CAMTA1: variants seen among roughly 807,000 people sequenced by gnomAD.
The protein encoded by CAMTA1 is calmodulin-binding transcription activator 1.
A neutral mutation model predicts 170.9 loss-of-function variants in CAMTA1; 27 were observed. The ratio of observed to expected loss-of-function variants is 0.16; its 90% CI spans 0.12 to 0.22. The LOEUF is 0.22. Ranked by LOEUF, CAMTA1 falls within the 10% of genes least tolerant of loss-of-function variation. The pLI is 1.00. For synonymous variants in CAMTA1, 833 were observed against 891.5 expected (o/e 0.93, Z 1.17); for missense variants, 1,619 against 2,217.2 (o/e 0.73, Z 5.42).
At chr1:7,425,966 G>A (rs1204697784) in intron 5 of CAMTA1, among the ~76,000 whole-genome samples, 2 of 152,176 alleles carry the variant, frequency 1.3e-5, no homozygotes, top group Admixed American at 6.5e-5. Context: ...CCTGCCCTGT[G>A]CCAGGCATGG....
At chr1:7,544,460 C>T (rs113988924) in intron 6 of CAMTA1, among the ~76,000 whole-genome samples, 1,663 of 152,322 alleles carry the variant, frequency 0.011, 22 homozygotes, top group Non-Finnish European at 0.013. Flanking sequence ...GTCAGGCCAT[C>T]TCTAACCATT....
At chr1:7,640,110 C>A (rs2095749112) in intron 6 of CAMTA1, among the ~76,000 whole-genome samples, 1 of 152,124 alleles carries the variant, frequency 6.6e-6, no homozygotes, top group Admixed American at 6.5e-5. Context: ...GTGATCTTGC[C>A]CCCTAGGGGA....
chr1:7,751,132 C>T, intron 19 of CAMTA1, 67 bp from the exon 20 acceptor site: 1 of 1,272,766 alleles, frequency 7.9e-7, no homozygotes, highest in Non-Finnish European at 1.1e-6. Context: ...TCCCGGTAAG[C>T]TCGAAGGACG....
chr1:7,411,864 C>T (rs536948719), intron 5 of CAMTA1, among the ~76,000 whole-genome samples: 1 of 151,278 alleles, frequency 6.6e-6, no homozygotes, highest in Non-Finnish European at 1.5e-5. Context: ...ACCATTAACT[C>T]GTCATTTAGC....
intron 3 of CAMTA1, among the ~76,000 whole-genome samples, chr1:6,916,408 C>T (rs1680809397): frequency 6.6e-6 from 1 of 152,092 alleles, no homozygotes; most frequent in African/African-American, 2.4e-5. Flanking sequence ...CTCTGAATGA[C>T]AACTGCTTTC....
Position 7,665,283 on chromosome 1 carries a change from G to C in CAMTA1, c.2652+84G>C. On this transcript the variant is annotated intron_variant, in intron 9 of 22. Coordinates refer to ENST00000303635, the MANE Select transcript of CAMTA1 (RefSeq NM_015215.4). This position sits in a 1 kb window ranked among gnomAD's most constrained non-coding sequence, Gnocchi z 4.3. ...CTGCGCCACCCTGCAGCTAAGGGAT[G>C]CCTGTGGCTGCCCTTCAGAGGAAGC... 2 of 1,135,050 alleles carry C rather than the reference G, an allele frequency of 1.8e-6. No individual in the cohort carries two copies. The highest frequency in any genetic ancestry group is 2.3e-6 in the Non-Finnish European group (2 of 852,752). 70.3% of individuals were successfully genotyped at this position (1,135,050 alleles called of 1,614,324 possible).
chr1:7,241,055 CA>C (rs896217501), intron 4 of CAMTA1, among the ~76,000 whole-genome samples: 3 of 151,746 alleles, frequency 2.0e-5, no homozygotes, highest in Non-Finnish European at 4.4e-5. Context: ...AAAGAATCTA[CA>C]AAAAAAATTT....
chr1:7,394,967 C>G (rs1179768571), intron 5 of CAMTA1, among the ~76,000 whole-genome samples: 2 of 151,828 alleles, frequency 1.3e-5, no homozygotes, highest in Non-Finnish European at 2.9e-5. Flanking sequence ...ACTGCAACCT[C>G]TGCCTCCTGG....
At chr1:7,502,376 G>T (rs1725261) in intron 6 of CAMTA1, among the ~76,000 whole-genome samples, 131,071 of 152,252 alleles carry the variant, frequency 0.86, 56,779 homozygotes, top group Middle Eastern at 0.94. Context: ...TAGGCAGGAT[G>T]TAGTACACGA....
intron 5 of CAMTA1, among the ~76,000 whole-genome samples, chr1:7,384,984 T>A (rs918893009): frequency 2.6e-5 from 4 of 152,052 alleles, no homozygotes; most frequent in African/African-American, 9.7e-5. Context: ...GCTCCCAGGA[T>A]AGGACATCTC....
intron 5 of CAMTA1, among the ~76,000 whole-genome samples, chr1:7,465,862 C>T (rs2093198515): frequency 1.3e-5 from 2 of 152,166 alleles, no homozygotes; most frequent in African/African-American, 2.4e-5. Flanking sequence ...TGAAAACCAA[C>T]CACGGTCTTT....
intron 3 of CAMTA1, among the ~76,000 whole-genome samples, chr1:6,885,426 A>G (rs1211819583): frequency 6.6e-6 from 1 of 152,248 alleles, no homozygotes; most frequent in Non-Finnish European, 1.5e-5. Flanking sequence ...TACCTGAGTC[A>G]TTAGAATGCT....
At chr1:7,265,167 G>A (rs528948742) in intron 5 of CAMTA1, among the ~76,000 whole-genome samples, 57 of 152,194 alleles carry the variant, frequency 3.7e-4, no homozygotes, top group African/African-American at 1.3e-3. Flanking sequence ...CTGTTCCTGC[G>A]CTGTCCCAGC....
At position 7,592,751 on chromosome 1, in the gene CAMTA1, C is replaced by G. The variant is rs187152519; in HGVS notation, c.511-47649C>G. ...GGAGTCAACCAGCATCTCCTGCATC[C>G]TCTACCTTGGAAAATGAGGATTCTC... is the stretch of plus-strand genomic sequence containing the variant. On this transcript the variant is annotated intron_variant, in intron 6 of 22. Coordinates refer to ENST00000303635, the MANE Select transcript of CAMTA1 (RefSeq NM_015215.4). This position sits in a 1 kb window ranked among gnomAD's most constrained non-coding sequence, Gnocchi z 4.6. 2.2e-4 allele frequency among the ~76,000 whole-genome samples: 34 copies of G among 152,286 alleles called. No individual in the cohort carries two copies. Among genetic ancestry groups the G allele is most frequent in the African/African-American group, 7.9e-4 (33 of 41,560 alleles).
intron 3 of CAMTA1, 65 bp downstream of exon 3, chr1:6,825,275 A>G (rs1570515835): frequency 5.3e-6 from 4 of 754,112 alleles, no homozygotes; most frequent in Non-Finnish European, 9.1e-6. Context: ...GTTGCTTCAC[A>G]TAGTCCTACT....
At chr1:7,499,111 G>A (rs908447239) in intron 6 of CAMTA1, among the ~76,000 whole-genome samples, 3 of 138,448 alleles carry the variant, frequency 2.2e-5, no homozygotes, top group African/African-American at 7.8e-5. Flanking sequence ...GAGTGAGTGT[G>A]TAGAGAGGAT....
rs1393510530 is a variant in CAMTA1 at position 7,562,712 on chromosome 1, G to A, written c.511-77688G>A. ...CCCGCAGCTGGCACGGAGATGCTGG[G>A]AGAAGGGTCTGATATTTCCCGCATC... On this transcript the variant is annotated intron_variant, in intron 6 of 22. Transcript: ENST00000303635. This position sits in a 1 kb window ranked among gnomAD's most constrained non-coding sequence, Gnocchi z 4.8. Among the ~76,000 whole-genome samples the A allele has an allele frequency of 6.6e-6, 1 of 152,228 alleles. No individual in the cohort carries two copies. Among genetic ancestry groups the A allele is most frequent in the Non-Finnish European group, 1.5e-5 (1 of 68,040 alleles).
intron 5 of CAMTA1, among the ~76,000 whole-genome samples, chr1:7,359,379 T>G (rs1158191417): frequency 1.3e-5 from 2 of 152,160 alleles, no homozygotes; most frequent in African/African-American, 4.8e-5. Context: ...CAAACTGTGC[T>G]CTGGTGAGGC....
At chr1:7,026,474 C>T (rs1399026145) in intron 3 of CAMTA1, among the ~76,000 whole-genome samples, 1 of 152,054 alleles carries the variant, frequency 6.6e-6, no homozygotes, top group Non-Finnish European at 1.5e-5. Context: ...ACCTGTGGCT[C>T]CCCTTGCCAG....
Sources: gnomAD v4.1 joint callset for allele counts (sites outside exome capture counted in the v4.1 genomes callset) on GRCh38, gnomAD v4.1.1 for gene constraint, Gnocchi (gnomAD v3.1) non-coding constraint, MANE v1.5 for transcripts, NCBI Gene and HGNC (gene_info 2026-07-23, HGNC 2026-07-21) for gene names.